TLE3: variants seen among roughly 807,000 people sequenced by gnomAD.
The protein encoded by TLE3 is transducin-like enhancer protein 3.
TLE3 carries 14 observed loss-of-function variants against 93.0 expected under a neutral mutation model. The observed-to-expected ratio is 0.15, with a 90% CI of 0.10 to 0.24. TLE3 has a LOEUF of 0.24. Ranked by LOEUF, TLE3 falls within the 10% of genes least tolerant of loss-of-function variation. TLE3 has a pLI of 1.00. For synonymous variants in TLE3, 451 were observed against 425.0 expected, an observed-to-expected ratio of 1.06 and a Z score of -0.75; for missense variants, 693 against 1,046.6, an observed-to-expected ratio of 0.66 and a Z score of 4.66.
chr15:70,083,382 C>T (rs2057881514), intron 4 of TLE3, among the ~76,000 whole-genome samples: 1 of 152,190 alleles, frequency 6.6e-6, no homozygotes, highest in African/African-American at 2.4e-5. Context: ...ACACACTAAA[C>T]TCTGCTTGCC....
intron 8 of TLE3, among the ~76,000 whole-genome samples, chr15:70,063,853 G>A (rs991499508): frequency 6.6e-6 from 1 of 152,180 alleles, no homozygotes; most frequent in Non-Finnish European, 1.5e-5. Flanking sequence ...TTCTTAAATC[G>A]AGTGAAAGCC....
At chr15:70,078,517 C>T (rs1042665858) in intron 4 of TLE3, among the ~76,000 whole-genome samples, 2 of 152,236 alleles carry the variant, frequency 1.3e-5, no homozygotes, top group East Asian at 1.9e-4. Flanking sequence ...AAATGTTTGG[C>T]CCAAAGAATA....
intron 4 of TLE3, among the ~76,000 whole-genome samples, chr15:70,076,761 C>T (rs2057466704): frequency 6.6e-6 from 1 of 152,098 alleles, no homozygotes; most frequent in South Asian, 2.1e-4. Flanking sequence ...CTCACTGTCA[C>T]CCAGGCTGGT....
chr15:70,057,906 G>T, intron 12 of TLE3: 2 of 715,142 alleles, frequency 2.8e-6, no homozygotes, highest in Non-Finnish European at 4.5e-6. Context: ...AGCCTCACTG[G>T]ACTAATGACA....
chr15:70,067,094 G>T (rs1235162870), intron 6 of TLE3, among the ~76,000 whole-genome samples: 1 of 152,164 alleles, frequency 6.6e-6, no homozygotes, highest in East Asian at 1.9e-4. Flanking sequence ...TTGCCATGCA[G>T]CAAGTCAGTA....
rs191057536 is a variant in TLE3, at chr15:70,064,329, G to A, written c.594+125C>T. The A allele has an allele frequency of 6.4e-5, 74 of 1,157,304 alleles. 1 individual carries two copies. Among genetic ancestry groups the A allele is most frequent in the East Asian group, 1.3e-4 (5 of 39,306 alleles). 71.7% of individuals were successfully genotyped at this position (1,157,304 alleles called of 1,614,324 possible). On this transcript the variant is annotated intron_variant, in intron 8 of 19. Transcript: ENST00000451782. Reference sequence around the variant, plus strand: ...TAGTTACAACCCACAGAGCAGAAGCGGGAACCCAGAAGCCAGCTTTGGATA... The same window carrying A: ...TAGTTACAACCCACAGAGCAGAAGCAGGAACCCAGAAGCCAGCTTTGGATA...
chr15:70,065,607 T>A (rs1301027103), intron 7 of TLE3, among the ~76,000 whole-genome samples: 1 of 152,246 alleles, frequency 6.6e-6, no homozygotes, highest in East Asian at 1.9e-4. Flanking sequence ...AGGGGTAGGA[T>A]GTAAGACGAC....
At chr15:70,081,110 G>C (rs1158728037) in intron 4 of TLE3, among the ~76,000 whole-genome samples, 1 of 152,146 alleles carries the variant, frequency 6.6e-6, no homozygotes, top group Non-Finnish European at 1.5e-5. Context: ...GAGATGAGCT[G>C]GCTTCTACCT....
intron 2 of TLE3, chr15:70,095,889 C>G (rs1320690432): frequency 1.6e-6 from 1 of 624,324 alleles, no homozygotes; most frequent in East Asian, 2.8e-5. Flanking sequence ...GACCCTGACG[C>G]TGGCTCCCGA....
At chr15:70,091,229 G>A (rs544596391) in intron 4 of TLE3, among the ~76,000 whole-genome samples, 6 of 152,348 alleles carry the variant, frequency 3.9e-5, no homozygotes, top group East Asian at 3.9e-4. Context: ...GTATTGTGTC[G>A]GCACGACACT....
At chr15:70,056,895 C>A (rs2056082199) in intron 13 of TLE3, among the ~76,000 whole-genome samples, 1 of 152,108 alleles carries the variant, frequency 6.6e-6, no homozygotes, top group Admixed American at 6.5e-5. Context: ...CCGAATAGCG[C>A]CTGCCACCAC....
chr15:70,091,099 C>T (rs1006638988), intron 4 of TLE3, among the ~76,000 whole-genome samples: 2 of 152,208 alleles, frequency 1.3e-5, no homozygotes, highest in Non-Finnish European at 2.9e-5. Context: ...CTTCTCTGGG[C>T]CACCGTTTCC....
intron 15 of TLE3, 48 bp downstream of exon 15, chr15:70,055,001 A>C (rs2141430794): frequency 6.5e-7 from 1 of 1,544,846 alleles, no homozygotes; most frequent in Non-Finnish European, 8.7e-7. Flanking sequence ...AGGCTGCCCC[A>C]TCCTCCTACA....
intron 19 of TLE3, 37 bp downstream of exon 19, chr15:70,051,354 G>T (rs1196055508): frequency 1.3e-5 from 21 of 1,572,178 alleles, no homozygotes; most frequent in Non-Finnish European, 1.7e-5. Context: ...TCAACTCTGG[G>T]TAGAACCCAG....
At chr15:70,051,300 G>A (rs1411416082) in intron 19 of TLE3, 91 bp downstream of exon 19, 40 of 1,321,372 alleles carry the variant, frequency 3.0e-5, no homozygotes. Flanking sequence ...GGCTCCTCCT[G>A]TTCTTCCTGC....
At chr15:70,071,553 TTTGAG>T (rs2057161831) in intron 6 of TLE3, among the ~76,000 whole-genome samples, 1 of 152,182 alleles carries the variant, frequency 6.6e-6, no homozygotes, top group Admixed American at 6.5e-5. Context: ...CTGATTTCTC[TTTGAG>T]TTGAGTTGAG....
intron 9 of TLE3, among the ~76,000 whole-genome samples, chr15:70,060,004 C>G (rs1225247199): frequency 6.6e-6 from 1 of 152,246 alleles, no homozygotes; most frequent in Admixed American, 6.5e-5. Context: ...CATATCCTCC[C>G]CTTCCCTCTG....
chr15:70,092,597 C>T (rs1432045988), intron 4 of TLE3, among the ~76,000 whole-genome samples: 4 of 152,198 alleles, frequency 2.6e-5, no homozygotes. Flanking sequence ...AATGAGACAA[C>T]GTAGCCAAAC....
In TLE3 at chr15:70,096,975, T is replaced by C; in HGVS notation, c.-177A>G. Reference sequence around the variant, plus strand: ...CCCAGAGTCGGGCGCCCGCCCCAAGTGGAGACAAAGAGCCGCGGAGCAGGC... The same window carrying C: ...CCCAGAGTCGGGCGCCCGCCCCAAGCGGAGACAAAGAGCCGCGGAGCAGGC... On this transcript the variant is annotated 5_prime_UTR_variant, in exon 1 of 20. Transcript: ENST00000451782. 1.6e-6 allele frequency: 1 copy of C among 634,850 alleles called. No homozygotes were observed. The highest frequency in any genetic ancestry group is 2.6e-6 in the Non-Finnish European group (1 of 380,102). The allele number at this position is 634,850 out of a possible 1,614,324, so 39.3% of individuals were successfully genotyped here.
Sources: allele counts gnomAD v4.1 joint callset (sites outside exome capture counted in the v4.1 genomes callset), GRCh38; gene constraint gnomAD v4.1.1; transcripts MANE v1.5; gene names NCBI Gene and HGNC (gene_info 2026-07-23, HGNC 2026-07-21).